The following HPF1 variants were observed in gnomAD, a reference collection of about 807,000 sequenced individuals.
HPF1 encodes UPF0609 protein C4orf27.
HPF1 carries 35 observed loss-of-function variants against 38.8 expected under a neutral mutation model. The observed-to-expected ratio is 0.90, with a 90% confidence interval of 0.69 to 1.19. The LOEUF is 1.19. HPF1 is among the 50% of genes most tolerant of loss of function. HPF1 has a pLI of 0.00. For synonymous variants in HPF1, 115 were observed against 139.2 expected (o/e 0.83, Z 1.22); for missense variants, 367 against 405.8 (o/e 0.90, Z 0.82).
chr4:169,731,781 C>T lies in HPF1; in HGVS notation c.832G>A (p.Val278Met), dbSNP rs1225946677. ...FAPIQEMMTF[V>M]QFANDECDYG... ...TCACATTCATCATTAGCAAACTGCACAAAAGTCATCATTTCCTGAATGGGA... is the reference window on the plus strand; with the variant it reads ...TCACATTCATCATTAGCAAACTGCATAAAAGTCATCATTTCCTGAATGGGA... Residue 278 changes from valine (V) to methionine (M), a missense_variant, in exon 7 of 8, where the codon GTG becomes ATG. Physicochemically the swap from Val to Met is conservative, Grantham distance 21. Coordinates refer to ENST00000393381, the MANE Select transcript of HPF1 (RefSeq NM_017867.3). 1.2e-6 allele frequency: 2 copies of T among 1,606,054 alleles called. No individual in the cohort carries two copies. Among genetic ancestry groups the T allele is most frequent in the African/African-American group, 1.3e-5 (1 of 74,252 alleles).
At chr4:169,737,535 T>C (rs1406323539) in intron 6 of HPF1, 125 bp downstream of exon 6, 1 of 678,782 alleles carries the variant, frequency 1.5e-6, no homozygotes, top group Non-Finnish European at 2.7e-6. Flanking sequence ...CAGCTTACTC[T>C]TTATTACTAA....
At chr4:169,745,209 G>A (rs1734032026) in intron 4 of HPF1, among the ~76,000 whole-genome samples, 1 of 152,184 alleles carries the variant, frequency 6.6e-6, no homozygotes. Context: ...AAGAGGCCTC[G>A]AGAGGCCGGG....
chr4:169,735,842 A>G (rs1733884836), intron 6 of HPF1, among the ~76,000 whole-genome samples: 1 of 151,970 alleles, frequency 6.6e-6, no homozygotes, highest in Non-Finnish European at 1.5e-5. Flanking sequence ...GATATAGGAC[A>G]GATCAGCCTG....
chr4:169,736,241 A>C (rs1733891149), intron 6 of HPF1, among the ~76,000 whole-genome samples: 1 of 151,554 alleles, frequency 6.6e-6, no homozygotes, highest in Non-Finnish European at 1.5e-5. Context: ...ACAAAAACAA[A>C]ACCCACCAAT....
intron 4 of HPF1, among the ~76,000 whole-genome samples, chr4:169,742,598 C>T (rs188551563): frequency 6.6e-6 from 1 of 152,192 alleles, no homozygotes; most frequent in South Asian, 2.1e-4. Context: ...CAAGACCATC[C>T]TGGCTAACAA....
Position 169,742,086 on chromosome 4 carries a change from A to G in HPF1, c.519T>C (p.Leu173=), listed in dbSNP as rs763407776. ...AAVKLFLTKK[L]REITDKKKIN... is the part of the protein sequence containing the mutation. Reference sequence around the variant, plus strand: ...TTTTCTTTTTATCCGTTATTTCTCTAAGTTTTTTCGTCAAAAATAATCTGA... The same window carrying G: ...TTTTCTTTTTATCCGTTATTTCTCTGAGTTTTTTCGTCAAAAATAATCTGA... Residue 173 remains leucine, a synonymous_variant, in exon 5 of 8, where the codon CTT becomes CTC. Coordinates refer to ENST00000393381, the MANE Select transcript of HPF1 (RefSeq NM_017867.3). 6.2e-7 allele frequency: 1 copy of G among 1,610,768 alleles called. No individual in the cohort carries two copies. The highest frequency in any genetic ancestry group is 1.3e-5 in the African/African-American group (1 of 74,912).
chr4:169,742,594 C>T (rs1273723361), intron 4 of HPF1, among the ~76,000 whole-genome samples: 2 of 152,146 alleles, frequency 1.3e-5, no homozygotes, highest in East Asian at 3.9e-4. Flanking sequence ...AGATCAAGAC[C>T]ATCCTGGCTA....
At position 169,739,440 on chromosome 4, in the gene HPF1, A is replaced by G. The variant is rs577210671; in HGVS notation, c.649-1693T>C. 1.5e-4 allele frequency among the ~76,000 whole-genome samples: 23 copies of G among 152,222 alleles called. 2 individuals carry two copies. Among genetic ancestry groups the G allele is most frequent in the Middle Eastern group, 3.4e-3 (1 of 294 alleles). On this transcript the variant is annotated intron_variant, in intron 5 of 7. Transcript: ENST00000393381. ...GTTCAGGCAGTTAAAAAAAAAATACAATGGCCAACAGAGAAAAGTATTTAA... is the reference window on the plus strand; with the variant it reads ...GTTCAGGCAGTTAAAAAAAAAATACGATGGCCAACAGAGAAAAGTATTTAA...
rs759405244 is a variant in HPF1 at position 169,750,684 on chromosome 4, A to T, written c.250T>A (p.Tyr84Asn). The T allele has an allele frequency of 2.9e-5, 47 of 1,613,560 alleles. No homozygotes were observed. The highest frequency in any genetic ancestry group is 3.5e-5 in the Non-Finnish European group (41 of 1,179,872). Reference protein sequence around the residue: ...ASLGLQLVGPYDILAGKHKTK... With the variant: ...ASLGLQLVGPNDILAGKHKTK... ...TTATGTTTTCCAGCAAGGATATCAT[A>T]AGGACCAACTAATTGAAGTCCAAGG... The change falls in exon 3 of 8, where the codon TAT becomes AAT. Residue 84 changes from tyrosine to asparagine, a missense_variant. Tyr to Asn is a moderately radical substitution (Grantham distance 143). Coordinates refer to ENST00000393381, the MANE Select transcript of HPF1 (RefSeq NM_017867.3).
In HPF1 at chr4:169,742,082, C is replaced by G. The variant is rs1187416895; in HGVS notation, c.523G>C (p.Glu175Gln). 2 of 1,611,810 alleles carry G rather than the reference C, an allele frequency of 1.2e-6. No homozygotes were observed. Among genetic ancestry groups the G allele is most frequent in the African/African-American group, 2.7e-5 (2 of 74,902 alleles). The change falls in exon 5 of 8, where the codon GAA becomes CAA. Residue 175 changes from glutamate (E) to glutamine (Q), a missense_variant. Transcript: ENST00000393381. ...VKLFLTKKLR[E>Q]ITDKKKINLL... ...TTGATTTTCTTTTTATCCGTTATTT[C>G]TCTAAGTTTTTTCGTCAAAAATAAT...
intron 5 of HPF1, among the ~76,000 whole-genome samples, chr4:169,741,584 T>G (rs188913839): frequency 6.6e-6 from 1 of 152,232 alleles, no homozygotes; most frequent in Non-Finnish European, 1.5e-5. Flanking sequence ...GAGCACTGCT[T>G]ATATACACGT....
intron 4 of HPF1, among the ~76,000 whole-genome samples, chr4:169,742,963 T>C (rs191844188): frequency 1.3e-5 from 2 of 151,508 alleles, no homozygotes; most frequent in East Asian, 2.0e-4. Context: ...TAGCTGGGCA[T>C]GGTGGCATGC....
Position 169,742,027 on chromosome 4 carries a change from G to A in HPF1, c.578C>T (p.Thr193Ile). The change falls in exon 5 of 8, where the codon ACA (threonine) becomes ATA (isoleucine). Residue 193 changes from threonine (T) to isoleucine (I), a missense_variant. By Grantham distance (89) the Thr-to-Ile change is moderately conservative. Coordinates refer to ENST00000393381, the MANE Select transcript of HPF1 (RefSeq NM_017867.3). Reference protein sequence around the residue: ...NLLKNIDEKLTEAARELGYSL... With the variant: ...NLLKNIDEKLIEAARELGYSL... Reference sequence around the variant, plus strand: ...GTACCCCAATTCTCTGGCTGCTTCTGTGAGTTTTTCATCTATGTTTTTCAA... The same window carrying A: ...GTACCCCAATTCTCTGGCTGCTTCTATGAGTTTTTCATCTATGTTTTTCAA... The A allele has an allele frequency of 6.2e-7, 1 of 1,612,072 alleles. No homozygotes were observed.
At chr4:169,756,016 C>T (rs1734184467) in intron 1 of HPF1, among the ~76,000 whole-genome samples, 1 of 152,146 alleles carries the variant, frequency 6.6e-6, no homozygotes, top group African/African-American at 2.4e-5. Flanking sequence ...AAAAAAATTA[C>T]GTTCAACAAA....
intron 6 of HPF1, among the ~76,000 whole-genome samples, chr4:169,736,905 G>A (rs1733903415): frequency 6.6e-6 from 1 of 152,136 alleles, no homozygotes; most frequent in Admixed American, 6.5e-5. Flanking sequence ...ATGCGCAGTG[G>A]TCCATTTTCA....
At chr4:169,753,136 C>T (rs1298330149) in intron 2 of HPF1, among the ~76,000 whole-genome samples, 2 of 144,360 alleles carry the variant, frequency 1.4e-5, no homozygotes, top group Non-Finnish European at 3.0e-5. Context: ...CAGGTTCAAG[C>T]AATGATCGTG....
In HPF1 at chr4:169,746,895, TTTCA is replaced by T. The variant is rs200391987; in HGVS notation, c.497+1845_497+1848del. Among the ~76,000 whole-genome samples, 90 of 151,062 alleles carry T rather than the reference TTTCA, an allele frequency of 6.0e-4. No homozygotes were observed. In the East Asian group the frequency reaches 0.015, roughly 25 times the overall value. On this transcript the variant is annotated intron_variant, in intron 4 of 7. Coordinates refer to ENST00000393381, the MANE Select transcript of HPF1 (RefSeq NM_017867.3). ...ATCACCCATGCATTTTTTTTTTCTT[TTTCA>T]TTGTCTATGTTCTCCAATTAGCTTA...
At chr4:169,750,145 G>A (rs1245216997) in intron 3 of HPF1, among the ~76,000 whole-genome samples, 21 of 152,154 alleles carry the variant, frequency 1.4e-4, no homozygotes, top group Admixed American at 1.4e-3. Context: ...GTCACAGAAA[G>A]TCACAGTCAG....
At chr4:169,733,183 G>A (rs1189369041) in intron 6 of HPF1, among the ~76,000 whole-genome samples, 1 of 152,198 alleles carries the variant, frequency 6.6e-6, no homozygotes, top group Non-Finnish European at 1.5e-5. Context: ...GGCATGGCAA[G>A]CATGCGTTTG....
Sources: allele counts gnomAD v4.1 joint callset (sites outside exome capture counted in the v4.1 genomes callset), GRCh38; gene constraint gnomAD v4.1.1; transcripts MANE v1.5; gene names NCBI Gene and HGNC (gene_info 2026-07-23, HGNC 2026-07-21).